KIAA0825: variants seen among roughly 807,000 people sequenced by gnomAD.
The protein encoded by KIAA0825 is KIAA0825, also known as uncharacterized protein KIAA0825.
A neutral mutation model predicts 147.6 loss-of-function variants in KIAA0825; 119 were observed. That is an observed-to-expected ratio of 0.81 (90% CI 0.69 to 0.94). The LOEUF (loss-of-function observed/expected upper bound fraction) is 0.94. Among genes scored for constraint, KIAA0825 ranks in the 40% least tolerant of loss-of-function variants. The pLI, the probability that KIAA0825 is intolerant of heterozygous loss-of-function variation, is 0.00. For synonymous variants in KIAA0825, 470 were observed against 518.1 expected, an observed-to-expected ratio of 0.91 and a Z score of 1.26; for missense variants, 1,381 against 1,472.7, an observed-to-expected ratio of 0.94 and a Z score of 1.02.
In KIAA0825 at chr5:94,494,314, C is replaced by CTT. The variant is rs530332272; in HGVS notation, c.971-9386_971-9385dup. Among the ~76,000 whole-genome samples the CTT allele has an allele frequency of 4.9e-3, 553 of 111,848 alleles. 8 individuals are homozygous for CTT. Among genetic ancestry groups the CTT allele is most frequent in the African/African-American group, 0.014 (363 of 25,624 alleles). 73.4% of individuals were successfully genotyped at this position (111,848 alleles called of 152,430 possible). On this transcript the variant is annotated intron_variant, in intron 5 of 20. Coordinates refer to ENST00000682413, the MANE Select transcript of KIAA0825 (RefSeq NM_001145678.3). ...TCTTGTCCCTCTCCTATATTCAATC[C>CTT]TTTTTTTTTTTTTTTTTTTTTTTTG... is the stretch of plus-strand genomic sequence containing the variant.
intron 15 of KIAA0825, among the ~76,000 whole-genome samples, chr5:94,408,963 G>T (rs1407228907): frequency 3.9e-5 from 6 of 152,160 alleles, no homozygotes; most frequent in Non-Finnish European, 5.9e-5. Flanking sequence ...AGTTGTTCCT[G>T]AAAGTAGCTA....
At chr5:94,197,736 C>T (rs1771270669) in intron 20 of KIAA0825, among the ~76,000 whole-genome samples, 1 of 152,088 alleles carries the variant, frequency 6.6e-6, no homozygotes, top group African/African-American at 2.4e-5. Context: ...GAGTTCTTTC[C>T]TCATTGCTTG....
At chr5:94,474,269 T>C (rs1477674522) in intron 7 of KIAA0825, among the ~76,000 whole-genome samples, 2 of 152,192 alleles carry the variant, frequency 1.3e-5, no homozygotes, top group Non-Finnish European at 1.5e-5. Flanking sequence ...TAAGGCAATA[T>C]ATTTATGAAT....
At chr5:94,351,113 AAGAGG>A (rs1783620481) in intron 20 of KIAA0825, among the ~76,000 whole-genome samples, 1 of 152,150 alleles carries the variant, frequency 6.6e-6, no homozygotes, top group Non-Finnish European at 1.5e-5. Context: ...CAAATTGGTT[AAGAGG>A]AGGTCAAACA....
chr5:94,185,921 A>G (rs1156482072), intron 20 of KIAA0825, among the ~76,000 whole-genome samples: 1 of 152,228 alleles, frequency 6.6e-6, no homozygotes, highest in Non-Finnish European at 1.5e-5. Context: ...TATTTGGAGC[A>G]TTAACTGAGA....
At chr5:94,511,283 T>C (rs189372020) in intron 5 of KIAA0825, among the ~76,000 whole-genome samples, 3 of 152,296 alleles carry the variant, frequency 2.0e-5, no homozygotes, top group East Asian at 1.9e-4. Flanking sequence ...ATTTTTGTTA[T>C]AGCAGCCTGA....
At chr5:94,246,114 A>T (rs1203433180) in intron 20 of KIAA0825, among the ~76,000 whole-genome samples, 3 of 152,212 alleles carry the variant, frequency 2.0e-5, no homozygotes, top group African/African-American at 7.2e-5. Flanking sequence ...GACCCTGGGA[A>T]CAATCTTCAA....
chr5:94,562,847 T>C (rs1011421738), intron 2 of KIAA0825, among the ~76,000 whole-genome samples: 3 of 152,148 alleles, frequency 2.0e-5, no homozygotes, highest in Admixed American at 1.3e-4. Flanking sequence ...ATGTAAGAGA[T>C]AGTATGTAGG....
intron 20 of KIAA0825, among the ~76,000 whole-genome samples, chr5:94,326,709 C>A (rs1251238755): frequency 3.9e-5 from 6 of 152,146 alleles, no homozygotes; most frequent in African/African-American, 1.4e-4. Flanking sequence ...TTGGATAAAA[C>A]CCGCTTCATC....
At chr5:94,223,296 T>C (rs1195905889) in intron 20 of KIAA0825, among the ~76,000 whole-genome samples, 1 of 152,182 alleles carries the variant, frequency 6.6e-6, no homozygotes, top group African/African-American at 2.4e-5. Context: ...GTTGCATAGT[T>C]AGTCAGGGAC....
intron 20 of KIAA0825, among the ~76,000 whole-genome samples, chr5:94,239,091 T>C (rs1775216292): frequency 6.6e-6 from 1 of 152,180 alleles, no homozygotes; most frequent in South Asian, 2.1e-4. Flanking sequence ...AACAACAGAA[T>C]GCACTCTCAT....
intron 2 of KIAA0825, among the ~76,000 whole-genome samples, chr5:94,572,388 T>C (rs948757369): frequency 6.6e-6 from 1 of 152,148 alleles, no homozygotes; most frequent in African/African-American, 2.4e-5. Context: ...GGAAAGGATC[T>C]AAAAAAGAAA....
At chr5:94,582,807 TA>T (rs1253307521) in intron 1 of KIAA0825, among the ~76,000 whole-genome samples, 3 of 152,172 alleles carry the variant, frequency 2.0e-5, no homozygotes, top group African/African-American at 7.2e-5. Flanking sequence ...ACACAGGTAA[TA>T]GGGGCACCTT....
intron 1 of KIAA0825, chr5:94,594,518 A>G (rs1170470816): frequency 1.9e-5 from 14 of 747,976 alleles, no homozygotes; most frequent in Admixed American, 1.4e-4. Flanking sequence ...GACAACTACC[A>G]GAAATGCCCT....
At chr5:94,573,765 G>A (rs1172058524) in intron 2 of KIAA0825, among the ~76,000 whole-genome samples, 1 of 152,068 alleles carries the variant, frequency 6.6e-6, no homozygotes, top group East Asian at 1.9e-4. Flanking sequence ...GGCCTTGCAG[G>A]GCCATTTAAA....
intron 20 of KIAA0825, among the ~76,000 whole-genome samples, chr5:94,207,175 T>C (rs1233955385): frequency 6.6e-6 from 1 of 152,160 alleles, no homozygotes; most frequent in Non-Finnish European, 1.5e-5. Context: ...AAATGCAGTA[T>C]CATACTCTGT....
intron 20 of KIAA0825, among the ~76,000 whole-genome samples, chr5:94,244,587 T>C (rs574754084): frequency 6.6e-6 from 1 of 152,288 alleles, no homozygotes; most frequent in South Asian, 2.1e-4. Context: ...TCCTCCCATC[T>C]CAGCCTCCCA....
At chr5:94,597,298 G>T (rs1383293819) in intron 1 of KIAA0825, among the ~76,000 whole-genome samples, 1 of 151,850 alleles carries the variant, frequency 6.6e-6, no homozygotes, top group Non-Finnish European at 1.5e-5. Flanking sequence ...AATTTTAAAA[G>T]AATATAATCA....
intron 5 of KIAA0825, among the ~76,000 whole-genome samples, chr5:94,499,571 T>C (rs965672704): frequency 8.6e-5 from 11 of 128,352 alleles, no homozygotes; most frequent in African/African-American, 3.2e-4. Context: ...ATATTCATAT[T>C]TTATTTCCCA....
Sources: gnomAD v4.1 joint callset for allele counts (sites outside exome capture counted in the v4.1 genomes callset) on GRCh38, gnomAD v4.1.1 for gene constraint, MANE v1.5 for transcripts, NCBI Gene and HGNC (gene_info 2026-07-23, HGNC 2026-07-21) for gene names.